Variants in ZNF827 observed in about 807,000 individuals in gnomAD.
ZNF827 encodes the protein zinc finger protein 827.
A neutral mutation model predicts 102.4 loss-of-function variants in ZNF827; 13 were observed. The ratio of observed to expected loss-of-function variants is 0.13; its 90% CI spans 0.08 to 0.20. The LOEUF (loss-of-function observed/expected upper bound fraction) is 0.20. Ranked by LOEUF, ZNF827 falls within the 10% of genes least tolerant of loss-of-function variation. The pLI is 1.00. For synonymous variants in ZNF827, 523 were observed against 536.2 expected, an observed-to-expected ratio of 0.98 and a Z score of 0.34; for missense variants, 1,103 against 1,344.4, an observed-to-expected ratio of 0.82 and a Z score of 2.81.
intron 1 of ZNF827, among the ~76,000 whole-genome samples, chr4:145,923,026 A>G (rs1753187469): frequency 6.6e-6 from 1 of 152,232 alleles, no homozygotes; most frequent in Admixed American, 6.5e-5. Context: ...AACATTTGGT[A>G]GATCTACATA....
At chr4:145,777,817 A>G (rs999992507) in intron 9 of ZNF827, among the ~76,000 whole-genome samples, 4 of 152,090 alleles carry the variant, frequency 2.6e-5, no homozygotes, top group African/African-American at 9.7e-5. Flanking sequence ...TCCTCTGACT[A>G]GAGCTCTTGC....
chr4:145,833,872 C>T (rs140717031), intron 7 of ZNF827, among the ~76,000 whole-genome samples: 3,104 of 151,872 alleles, frequency 0.02, 51 homozygotes, highest in Non-Finnish European at 0.033. Context: ...CTTATCTCTG[C>T]GCCCCAACCT....
Position 145,905,669 on chromosome 4 carries a change from C to T in ZNF827, c.44-2454G>A, listed in dbSNP as rs550107910. Among the ~76,000 whole-genome samples, 9 of 152,272 alleles carry T rather than the reference C, an allele frequency of 5.9e-5. No individual in the cohort carries two copies. In the South Asian group the frequency reaches 1.9e-3, roughly 32 times the overall value. On this transcript the variant is annotated intron_variant, in intron 1 of 14. Coordinates refer to ENST00000508784, the MANE Select transcript of ZNF827 (RefSeq NM_001306215.2). ...AACACCAAGCAGTCAACATCAATTT[C>T]AACAATAGGGCTAATTTTATGTTTC...
At position 145,784,033 on chromosome 4, in the gene ZNF827, CT is replaced by C. The variant is rs78549081; in HGVS notation, c.2384-4523del. Reference sequence around the variant, plus strand: ...GTTTAAAAGTGTGCAGCACCTTCCCCTTCTCTATTCCTACTGCTCTGGCCAT... The same window carrying C: ...GTTTAAAAGTGTGCAGCACCTTCCCCTCTCTATTCCTACTGCTCTGGCCAT... On this transcript the variant is annotated intron_variant, in intron 8 of 14. Coordinates refer to ENST00000508784, the MANE Select transcript of ZNF827 (RefSeq NM_001306215.2). Among the ~76,000 whole-genome samples the C allele has an allele frequency of 6.6e-4, 101 of 152,264 alleles. 1 individual carries two copies. The East Asian group carries it at 0.019, about 29-fold the overall frequency.
In ZNF827 at chr4:145,759,328, G is replaced by A. The variant is rs1053701383; in HGVS notation, c.*2288C>T. On this transcript the variant is annotated 3_prime_UTR_variant, in exon 15 of 15. Coordinates refer to ENST00000508784, the MANE Select transcript of ZNF827 (RefSeq NM_001306215.2). ...CCCATTACTTTTTAAGATTAGCAAA[G>A]AGCTTTACAACCAACCCACACCTGC... 1.3e-5 allele frequency: 2 copies of A among 151,990 alleles called. No homozygotes were observed. The highest frequency in any genetic ancestry group is 2.9e-5 in the Non-Finnish European group (2 of 68,028). The allele number at this position is 151,990 out of a possible 1,614,324, so 9.4% of individuals were successfully genotyped here. A position where few individuals can be genotyped will look rare whatever the true frequency, so the allele number is the denominator to read the frequency against.
intron 8 of ZNF827, among the ~76,000 whole-genome samples, chr4:145,780,271 C>T (rs1386908389): frequency 6.6e-6 from 1 of 152,156 alleles, no homozygotes; most frequent in Non-Finnish European, 1.5e-5. Context: ...ATGGTCCTAT[C>T]CCTTGAAAGG....
At position 145,765,069 on chromosome 4, in the gene ZNF827, T is replaced by C; in HGVS notation, c.3149A>G (p.Asp1050Gly). The C allele has an allele frequency of 6.2e-7, 1 of 1,614,256 alleles. No individual in the cohort carries two copies. The highest frequency in any genetic ancestry group is 1.3e-5 in the African/African-American group (1 of 75,064). ...GGTCTTCATGAACTTGTGGCACACA[T>C]CACACTCAAACATCCGGGTGATGAG... Reference protein sequence around the residue: ...IHLITRMFECDVCHKFMKTPE... With the variant: ...IHLITRMFECGVCHKFMKTPE... Residue 1050 changes from aspartate (D) to glycine (G), a missense_variant, in exon 13 of 15, where the codon GAT becomes GGT. Asp to Gly is a moderately conservative substitution (Grantham distance 94). Around this residue, in one of 5 missense-constraint regions of ZNF827, gnomAD observed 242 missense variants for 361.9 expected, o/e 0.67. Transcript: ENST00000508784. The surrounding 1 kb of genome is among the most constrained non-coding windows in gnomAD (Gnocchi z 4.7).
At chr4:145,921,352 A>T (rs929528896) in intron 1 of ZNF827, among the ~76,000 whole-genome samples, 2 of 152,016 alleles carry the variant, frequency 1.3e-5, no homozygotes, top group Admixed American at 1.3e-4. Context: ...AAAATGCCTA[A>T]AAGATCTTAA....
chr4:145,802,713 C>T (rs1741032603), intron 8 of ZNF827, among the ~76,000 whole-genome samples: 1 of 152,152 alleles, frequency 6.6e-6, no homozygotes, highest in Non-Finnish European at 1.5e-5. Flanking sequence ...ATCCCAGCAC[C>T]CTGGGACATG....
intron 7 of ZNF827, among the ~76,000 whole-genome samples, chr4:145,829,640 A>G (rs550402813): frequency 2.6e-5 from 4 of 152,314 alleles, no homozygotes; most frequent in African/African-American, 7.2e-5. Context: ...GCAAAAAGAG[A>G]GCTGGAAGTC....
chr4:145,773,013 G>C (rs1736522331), intron 11 of ZNF827, among the ~76,000 whole-genome samples: 1 of 152,194 alleles, frequency 6.6e-6, no homozygotes, highest in Non-Finnish European at 1.5e-5. Context: ...TGGGTGTGGA[G>C]GGGGCTTTGG....
intron 4 of ZNF827, among the ~76,000 whole-genome samples, chr4:145,875,868 T>C (rs978819248): frequency 1.3e-5 from 2 of 152,192 alleles, no homozygotes; most frequent in African/African-American, 4.8e-5. Flanking sequence ...GCTTCAGGGG[T>C]TCCAACAAAT....
intron 1 of ZNF827, among the ~76,000 whole-genome samples, chr4:145,935,875 G>T (rs914297770): frequency 6.6e-6 from 1 of 152,040 alleles, no homozygotes; most frequent in African/African-American, 2.4e-5. Flanking sequence ...GCAGCTGCCC[G>T]ACTGCACTAC....
chr4:145,821,740 G>C (rs993713212), intron 8 of ZNF827, among the ~76,000 whole-genome samples: 2 of 151,960 alleles, frequency 1.3e-5, no homozygotes, highest in African/African-American at 4.8e-5. Context: ...TAAGAGTTAA[G>C]CTTTTAAAGT....
At chr4:145,937,575 G>C (rs1306085998) in intron 1 of ZNF827, among the ~76,000 whole-genome samples, 1 of 144,424 alleles carries the variant, frequency 6.9e-6, no homozygotes, top group Non-Finnish European at 1.5e-5. Flanking sequence ...CCCGCGCCCC[G>C]GCGCGCCCCC....
intron 1 of ZNF827, chr4:145,907,038 G>C (rs962922533): frequency 4.4e-6 from 2 of 456,368 alleles, no homozygotes; most frequent in African/African-American, 4.0e-5. Flanking sequence ...GAGAAACATA[G>C]CTGAAATTAT....
chr4:145,919,276 C>G (rs1193918505), intron 1 of ZNF827, among the ~76,000 whole-genome samples: 18 of 152,064 alleles, frequency 1.2e-4, no homozygotes, highest in Admixed American at 1.2e-3. Context: ...AAAACAAATC[C>G]TATATTGAGT....
chr4:145,776,612 T>TTGTG (rs140321780), intron 9 of ZNF827, among the ~76,000 whole-genome samples: 1 of 151,042 alleles, frequency 6.6e-6, no homozygotes, highest in Non-Finnish European at 1.5e-5. Context: ...GCATGTCTGT[T>TTGTG]TGTGTGTGTG....
At chr4:145,835,307 CCTT>C (rs1744696701) in intron 7 of ZNF827, 1 of 152,136 alleles carries the variant, frequency 6.6e-6, no homozygotes, top group South Asian at 2.1e-4. Flanking sequence ...AAGCCCGTCC[CCTT>C]CTTAATCAAT....
Sources: allele counts gnomAD v4.1 joint callset (sites outside exome capture counted in the v4.1 genomes callset), GRCh38; gene constraint gnomAD v4.1.1; regional missense constraint gnomAD v4.1.1; non-coding constraint Gnocchi (gnomAD v3.1); transcripts MANE v1.5; gene names NCBI Gene and HGNC (gene_info 2026-07-23, HGNC 2026-07-21).